Variants in SEMA3A observed in about 807,000 individuals in gnomAD.
SEMA3A encodes the protein semaphorin 3A, also known as semaphorin-3A.
Under a neutral mutation model 97.9 loss-of-function variants are expected in SEMA3A, and 29 were observed. The observed-to-expected ratio is 0.30, with a 90% CI of 0.22 to 0.40. The LOEUF is 0.40. Among genes scored for constraint, SEMA3A ranks in the 10% least tolerant of loss-of-function variants. The pLI is 1.00. For synonymous variants in SEMA3A, 321 were observed against 323.7 expected (o/e 0.99, Z 0.09); for missense variants, 763 against 951.3 (o/e 0.80, Z 2.60).
At chr7:84,011,621 T>C (rs1276248913) in intron 7 of SEMA3A, among the ~76,000 whole-genome samples, 1 of 152,170 alleles carries the variant, frequency 6.6e-6, no homozygotes, top group African/African-American at 2.4e-5. Flanking sequence ...TACACAATGG[T>C]CTACAATTCA....
At chr7:84,288,476 T>G (rs190320892) in intron 3 of SEMA3A, among the ~76,000 whole-genome samples, 1 of 152,174 alleles carries the variant, frequency 6.6e-6, no homozygotes, top group African/African-American at 2.4e-5. Flanking sequence ...GGCGGATGGA[T>G]CACTTGAGGT....
intron 1 of SEMA3A, among the ~76,000 whole-genome samples, chr7:84,481,419 C>T (rs1163419055): frequency 6.6e-6 from 1 of 152,098 alleles, no homozygotes; most frequent in Admixed American, 6.6e-5. Context: ...GTATATTATT[C>T]ATCCAAATTG....
chr7:84,010,999 A>C (rs757908081), intron 9 of SEMA3A, 23 bp downstream of exon 9: 9 of 1,529,500 alleles, frequency 5.9e-6, no homozygotes, highest in Admixed American at 3.7e-5. Context: ...AAGTTTCTAT[A>C]AGGTAGTTAA....
intron 1 of SEMA3A, among the ~76,000 whole-genome samples, chr7:84,441,345 T>C (rs932197517): frequency 2.7e-5 from 4 of 150,932 alleles, no homozygotes; most frequent in African/African-American, 7.3e-5. Context: ...AATAAAGAGA[T>C]AGAAACTGTA....
intron 5 of SEMA3A, among the ~76,000 whole-genome samples, chr7:84,051,534 T>C (rs1242377594): frequency 6.6e-6 from 1 of 152,090 alleles, no homozygotes; most frequent in African/African-American, 2.4e-5. Context: ...TGTATAAGAA[T>C]GCTTGTGATT....
At chr7:84,342,434 T>A (rs956380467) in intron 2 of SEMA3A, among the ~76,000 whole-genome samples, 34 of 152,202 alleles carry the variant, frequency 2.2e-4, no homozygotes, top group Non-Finnish European at 7.3e-5. Context: ...CAAGAAACTC[T>A]ATGTTCAAAT....
chr7:84,432,339 AT>A (rs1454437466), intron 1 of SEMA3A, among the ~76,000 whole-genome samples: 1 of 151,900 alleles, frequency 6.6e-6, no homozygotes, highest in Non-Finnish European at 1.5e-5. Flanking sequence ...TCACTAATCT[AT>A]TTTTCTCTTT....
intron 1 of SEMA3A, among the ~76,000 whole-genome samples, chr7:84,476,066 A>T (rs1192958075): frequency 1.3e-5 from 2 of 151,972 alleles, no homozygotes; most frequent in Admixed American, 6.6e-5. Context: ...TTGTTTAAAA[A>T]TTTTTTTTGG....
intron 2 of SEMA3A, among the ~76,000 whole-genome samples, chr7:84,331,240 A>G (rs769361233): frequency 3.3e-5 from 5 of 152,094 alleles, no homozygotes; most frequent in Non-Finnish European, 7.4e-5. Context: ...TGACTAAGGA[A>G]TTTGCCAGGG....
At chr7:84,329,237 C>T (rs1801850859) in intron 2 of SEMA3A, among the ~76,000 whole-genome samples, 1 of 151,988 alleles carries the variant, frequency 6.6e-6, no homozygotes, top group African/African-American at 2.4e-5. Context: ...GTGTTCAAGA[C>T]ATTACACGTA....
chr7:84,398,854 T>C (rs1803814590), intron 1 of SEMA3A, among the ~76,000 whole-genome samples: 1 of 152,092 alleles, frequency 6.6e-6, no homozygotes, highest in African/African-American at 2.4e-5. Flanking sequence ...ATCACAGTTA[T>C]ATTGAGGCTA....
intron 7 of SEMA3A, among the ~76,000 whole-genome samples, chr7:84,013,815 C>G (rs903723194): frequency 6.6e-6 from 1 of 152,122 alleles, no homozygotes; most frequent in Admixed American, 6.5e-5. Flanking sequence ...TCACTACACT[C>G]CAGCCTAGGG....
At chr7:84,107,864 A>T (rs1157162650) in intron 4 of SEMA3A, among the ~76,000 whole-genome samples, 3 of 152,150 alleles carry the variant, frequency 2.0e-5, no homozygotes, top group African/African-American at 7.2e-5. Flanking sequence ...CACATTTAAA[A>T]GGGGGAAGTT....
intron 4 of SEMA3A, among the ~76,000 whole-genome samples, chr7:84,098,659 T>A (rs1794852909): frequency 6.6e-6 from 1 of 152,130 alleles, no homozygotes; most frequent in African/African-American, 2.4e-5. Flanking sequence ...AGGTTCTTGA[T>A]AATGCAAATT....
In SEMA3A at chr7:84,011,709, C is replaced by G. The variant is rs149017947; in HGVS notation, c.811-412G>C. Among the ~76,000 whole-genome samples the G allele has an allele frequency of 4.1e-4, 62 of 152,138 alleles. No homozygotes were observed. In the East Asian group the frequency reaches 9.1e-3, roughly 22 times the overall value. On this transcript the variant is annotated intron_variant, in intron 7 of 16. Coordinates refer to ENST00000265362, the MANE Select transcript of SEMA3A (RefSeq NM_006080.3). ...TGAGATATGTTGCACAATGTGGTAT[C>G]ATAAATAATAATGTATTATACATTT...
At chr7:84,295,074 G>A (rs1382577816) in intron 3 of SEMA3A, among the ~76,000 whole-genome samples, 1 of 151,942 alleles carries the variant, frequency 6.6e-6, no homozygotes, top group Non-Finnish European at 1.5e-5. Context: ...TCCAAACTTG[G>A]CAATTGAAGA....
chr7:84,083,641 C>T (rs1408933317), intron 4 of SEMA3A, among the ~76,000 whole-genome samples: 1 of 151,934 alleles, frequency 6.6e-6, no homozygotes, highest in East Asian at 1.9e-4. Flanking sequence ...GTAACCATCA[C>T]CAGATTTCTT....
intron 1 of SEMA3A, among the ~76,000 whole-genome samples, chr7:84,137,622 TA>T (rs1203562189): frequency 6.8e-6 from 1 of 146,440 alleles, no homozygotes; most frequent in East Asian, 2.1e-4. Flanking sequence ...ATCAAATGGA[TA>T]CCCTTCATCC....
chr7:84,464,162 T>C (rs1327109906), intron 1 of SEMA3A, among the ~76,000 whole-genome samples: 3 of 152,198 alleles, frequency 2.0e-5, no homozygotes, highest in African/African-American at 7.2e-5. Context: ...AAATAACAGT[T>C]TTCCTTTATT....
Sources: gnomAD v4.1 joint callset for allele counts (sites outside exome capture counted in the v4.1 genomes callset) on GRCh38, gnomAD v4.1.1 for gene constraint, MANE v1.5 for transcripts, NCBI Gene and HGNC (gene_info 2026-07-23, HGNC 2026-07-21) for gene names.